Variants in TSPEAR observed in about 807,000 individuals in gnomAD.
TSPEAR encodes the protein thrombospondin type laminin G domain and EAR repeats, also known as thrombospondin-type laminin G domain and EAR repeat-containing protein.
In TSPEAR, 69 loss-of-function variants were observed where a neutral mutation model predicts 71.6. The ratio of observed to expected loss-of-function variants is 0.96; its 90% CI spans 0.79 to 1.18. The LOEUF (loss-of-function observed/expected upper bound fraction) is 1.18, where lower values mean the gene tolerates loss of function less well. TSPEAR is among the 50% of genes most tolerant of loss of function. The pLI, the probability that TSPEAR is intolerant of heterozygous loss-of-function variation, is 0.00. For synonymous variants in TSPEAR, 402 were observed against 387.2 expected (o/e 1.04, Z -0.45); for missense variants, 971 against 894.9 (o/e 1.09, Z -1.09).
chr21:44,682,793 C>A (rs782760674), intron 1 of TSPEAR, among the ~76,000 whole-genome samples: 1 of 152,186 alleles, frequency 6.6e-6, no homozygotes, highest in Non-Finnish European at 1.5e-5. Context: ...GGAGTCAGAG[C>A]AGAATACAGT....
chr21:44,557,871 T>G, intron 2 of TSPEAR: 3 of 730,616 alleles, frequency 4.1e-6, no homozygotes, highest in East Asian at 2.7e-5. Flanking sequence ...CTGGCCAGCA[T>G]GGAGATGAGG....
chr21:44,706,809 T>C (rs1303065831), intron 1 of TSPEAR, among the ~76,000 whole-genome samples: 7 of 152,174 alleles, frequency 4.6e-5, no homozygotes, highest in African/African-American at 1.7e-4. Context: ...CCTGAGCCCC[T>C]GACAGTGCCC....
intron 2 of TSPEAR, chr21:44,558,895 T>A: frequency 1.2e-6 from 1 of 802,358 alleles, no homozygotes; most frequent in African/African-American, 1.8e-5. Flanking sequence ...GTTGTTGTTG[T>A]AGGCACTGTT....
intron 9 of TSPEAR, among the ~76,000 whole-genome samples, chr21:44,513,849 G>T (rs942355454): frequency 1.3e-5 from 2 of 152,300 alleles, no homozygotes; most frequent in East Asian, 3.9e-4. Flanking sequence ...CCCTGGTTGG[G>T]GGGGCAGTGG....
intron 1 of TSPEAR, among the ~76,000 whole-genome samples, chr21:44,689,254 G>A (rs1381643496): frequency 6.6e-6 from 1 of 152,172 alleles, no homozygotes; most frequent in African/African-American, 2.4e-5. Context: ...TGTAATCCCA[G>A]CACTTTGGGA....
At chr21:44,700,334 C>T (rs1024776472) in intron 1 of TSPEAR, among the ~76,000 whole-genome samples, 1 of 152,140 alleles carries the variant, frequency 6.6e-6, no homozygotes, top group Non-Finnish European at 1.5e-5. Flanking sequence ...CAGGGAGAGC[C>T]GTTCCTCTGT....
At chr21:44,636,718 T>C (rs1555936751) in intron 1 of TSPEAR, among the ~76,000 whole-genome samples, 1 of 152,008 alleles carries the variant, frequency 6.6e-6, no homozygotes, top group Non-Finnish European at 1.5e-5. Context: ...GACCCTGACC[T>C]GCACCCGCCC....
intron 1 of TSPEAR, among the ~76,000 whole-genome samples, chr21:44,598,930 GTCTAGAAT>G (rs1419884008): frequency 6.6e-6 from 1 of 152,086 alleles, no homozygotes; most frequent in Admixed American, 6.6e-5. Flanking sequence ...GTTCTTCCTG[GTCTAGAAT>G]TCTAGGTTTG....
chr21:44,543,225 G>C (rs1033757648), intron 2 of TSPEAR, among the ~76,000 whole-genome samples: 1 of 152,160 alleles, frequency 6.6e-6, no homozygotes, highest in African/African-American at 2.4e-5. Flanking sequence ...AACACATGGG[G>C]AAAATCTAAA....
chr21:44,531,608 T>A (rs922387591), intron 3 of TSPEAR, among the ~76,000 whole-genome samples: 3 of 152,178 alleles, frequency 2.0e-5, no homozygotes, highest in Non-Finnish European at 2.9e-5. Context: ...GGCCAGGGCC[T>A]CCTGCAGAAG....
chr21:44,524,693 C>G (rs1252207090), intron 8 of TSPEAR, among the ~76,000 whole-genome samples: 1 of 151,046 alleles, frequency 6.6e-6, no homozygotes, highest in Non-Finnish European at 1.5e-5. Context: ...AGTCAGTCAG[C>G]TAGTCAGTTA....
chr21:44,558,599 C>A (rs371451976), intron 2 of TSPEAR: 1 of 1,611,548 alleles, frequency 6.2e-7, no homozygotes, highest in South Asian at 1.1e-5. Context: ...GGCAGGGGGC[C>A]GGGGCGCAGC....
At position 44,514,815 on chromosome 21, in the gene TSPEAR, C is replaced by T. The variant is rs1335190926; in HGVS notation, c.1567-5429G>A. ...GGGATGGGCAGAAAGACTTTGAGGGCAGGCGGAAGAATGGGACATCAAACC... is the reference window on the plus strand; with the variant it reads ...GGGATGGGCAGAAAGACTTTGAGGGTAGGCGGAAGAATGGGACATCAAACC... On this transcript the variant is annotated intron_variant, in intron 9 of 11. Coordinates refer to ENST00000323084, the MANE Select transcript of TSPEAR (RefSeq NM_144991.3). 5.9e-5 allele frequency among the ~76,000 whole-genome samples: 9 copies of T among 152,296 alleles called. 1 individual carries two copies. Among genetic ancestry groups the T allele is most frequent in the Admixed American group, 5.9e-4 (9 of 15,304 alleles).
rs529875021 is a variant in TSPEAR at position 44,706,381 on chromosome 21, A to G, written c.82+5052T>C. On this transcript the variant is annotated intron_variant, in intron 1 of 11. Coordinates refer to ENST00000323084, the MANE Select transcript of TSPEAR (RefSeq NM_144991.3). ...CACTTGCACGCCCATGCACGCACACACGCGCGTGCACCCATGCGCACGCAC... is the reference window on the plus strand; with the variant it reads ...CACTTGCACGCCCATGCACGCACACGCGCGCGTGCACCCATGCGCACGCAC... Among the ~76,000 whole-genome samples, 5 of 148,106 alleles carry G rather than the reference A, an allele frequency of 3.4e-5. No individual in the cohort carries two copies. The South Asian group carries it at 6.5e-4, about 19-fold the overall frequency.
chr21:44,544,160 CAT>C (rs2053264566), intron 2 of TSPEAR, among the ~76,000 whole-genome samples: 1 of 152,160 alleles, frequency 6.6e-6, no homozygotes, highest in Non-Finnish European at 1.5e-5. Context: ...TGATGTGAAA[CAT>C]GTTTCCATGT....
chr21:44,605,675 A>C (rs1981259923), intron 1 of TSPEAR, among the ~76,000 whole-genome samples: 1 of 152,248 alleles, frequency 6.6e-6, no homozygotes, highest in African/African-American at 2.4e-5. Flanking sequence ...TATTTCTGAC[A>C]AAGGTGCCAA....
chr21:44,622,820 A>G (rs782275993), intron 1 of TSPEAR, among the ~76,000 whole-genome samples: 3 of 152,184 alleles, frequency 2.0e-5, no homozygotes, highest in Non-Finnish European at 4.4e-5. Flanking sequence ...GCCAAATCTC[A>G]TGTTGAAATG....
chr21:44,627,956 G>A (rs782202918), intron 1 of TSPEAR: 4 of 1,517,692 alleles, frequency 2.6e-6, no homozygotes, highest in African/African-American at 1.4e-5. Flanking sequence ...CCCAGCTATT[G>A]CCGCCAGGCC....
intron 1 of TSPEAR, among the ~76,000 whole-genome samples, chr21:44,696,559 C>T (rs1569264786): frequency 6.6e-6 from 1 of 152,240 alleles, no homozygotes; most frequent in Non-Finnish European, 1.5e-5. Flanking sequence ...AGACCTATCA[C>T]ATGACTGTTT....
Sources: gnomAD v4.1 joint callset for allele counts (sites outside exome capture counted in the v4.1 genomes callset) on GRCh38, gnomAD v4.1.1 for gene constraint, MANE v1.5 for transcripts, NCBI Gene and HGNC (gene_info 2026-07-23, HGNC 2026-07-21) for gene names.